ORAI2: variants seen among roughly 807,000 people sequenced by gnomAD.
The protein encoded by ORAI2 is ORAI calcium release-activated calcium modulator 2, also known as protein orai-2.
In ORAI2, 10 loss-of-function variants were observed where a neutral mutation model predicts 16.2. The observed-to-expected ratio is 0.62, with a 90% confidence interval of 0.38 to 1.04. The LOEUF is 1.04. Among genes scored for constraint, ORAI2 ranks in the 50% least tolerant of loss-of-function variants. ORAI2 has a pLI of 0.01. For synonymous variants in ORAI2, 150 were observed against 157.5 expected, an observed-to-expected ratio of 0.95 and a Z score of 0.35; for missense variants, 238 against 355.5, an observed-to-expected ratio of 0.67 and a Z score of 2.66.
chr7:102,442,616 G>A lies in ORAI2; in HGVS notation c.225+3435G>A, dbSNP rs555846081. 5.7e-4 allele frequency among the ~76,000 whole-genome samples: 87 copies of A among 151,568 alleles called. 1 individual carries two copies. Among genetic ancestry groups the A allele is most frequent in the Non-Finnish European group, 1.1e-3 (76 of 67,854 alleles). ...GCACGAGAATCACTTGAACCCGGGA[G>A]GCAAAGGTTGCAGTGAGCCAAGATC... On this transcript the variant is annotated intron_variant, in intron 3 of 3. Transcript: ENST00000495936.
In ORAI2 at chr7:102,439,112, G is replaced by A; in HGVS notation, c.156G>A (p.Lys52=). The A allele has an allele frequency of 1.2e-6, 2 of 1,614,048 alleles. No homozygotes were observed. The highest frequency in any genetic ancestry group is 2.2e-5 in the South Asian group (2 of 91,092). ...CGGTACAGGCCCTGTCGTGGCGGAA[G>A]CTCTACCTGAGCAGGGCCAAGCTGA... ...HHSVQALSWR[K]LYLSRAKLKA... Residue 52 remains lysine (K), a synonymous_variant, in exon 3 of 4, where the codon AAG becomes AAA. Coordinates refer to ENST00000495936, the MANE Select transcript of ORAI2 (RefSeq NM_001126340.3).
rs1797092857 is a variant in ORAI2 at position 102,437,552 on chromosome 7, T to C, written c.-14+1219T>C. Among the ~76,000 whole-genome samples the C allele has an allele frequency of 2.6e-5, 4 of 152,002 alleles. No individual in the cohort carries two copies. In the Middle Eastern group the frequency reaches 0.014, roughly 517 times the overall value. On this transcript the variant is annotated intron_variant, in intron 2 of 3. Coordinates refer to ENST00000495936, the MANE Select transcript of ORAI2 (RefSeq NM_001126340.3). ...ACGGCTTCAACCCAGGAGGCGGAGG[T>C]TGCAGTGAGCCGAAATTGCGCCACT...
intron 3 of ORAI2, among the ~76,000 whole-genome samples, chr7:102,440,531 T>G (rs1223023339): frequency 6.6e-6 from 1 of 151,436 alleles, no homozygotes; most frequent in Non-Finnish European, 1.5e-5. Context: ...GTGATTTATT[T>G]GTTTTTTGTT....
chr7:102,443,023 A>T (rs558248462), intron 3 of ORAI2, among the ~76,000 whole-genome samples: 9 of 88,290 alleles, frequency 1.0e-4, no homozygotes, highest in South Asian at 3.7e-4. Context: ...CTGTCTCAAT[A>T]AAAAAAAAAA....
intron 2 of ORAI2, among the ~76,000 whole-genome samples, chr7:102,437,108 A>G (rs867999409): frequency 1.3e-5 from 2 of 152,170 alleles, no homozygotes; most frequent in South Asian, 4.1e-4. Flanking sequence ...ATCTTGACAG[A>G]TCTGTCCTTC....
intron 3 of ORAI2, 117 bp from the exon 4 acceptor site, chr7:102,446,396 C>G: frequency 9.3e-7 from 1 of 1,079,898 alleles, no homozygotes; most frequent in Non-Finnish European, 1.3e-6. Flanking sequence ...CAGGCAAGCC[C>G]ATGGCTACCC....
intron 3 of ORAI2, among the ~76,000 whole-genome samples, chr7:102,441,814 T>G (rs1334825630): frequency 6.6e-6 from 1 of 152,060 alleles, no homozygotes; most frequent in Non-Finnish European, 1.5e-5. Context: ...GCAGTGCACC[T>G]GCTTGATTAG....
intron 3 of ORAI2, among the ~76,000 whole-genome samples, chr7:102,442,678 C>A (rs896407543): frequency 6.6e-6 from 1 of 151,184 alleles, no homozygotes; most frequent in Non-Finnish European, 1.5e-5. Context: ...CAGAGCAGGA[C>A]TCCGTCTCAA....
chr7:102,448,153 A>G lies in ORAI2; in HGVS notation c.*1101A>G, dbSNP rs941414280. The stretch of plus-strand genomic sequence containing the variant: ...AAATGAGTGCCCTCCTTGTTATGAC[A>G]CCAAGTGACTACAAGGGAGGCAAGA... On this transcript the variant is annotated 3_prime_UTR_variant, in exon 4 of 4. Coordinates refer to ENST00000495936, the MANE Select transcript of ORAI2 (RefSeq NM_001126340.3). 6.6e-6 allele frequency: 1 copy of G among 152,436 alleles called. No homozygotes were observed. Among genetic ancestry groups the G allele is most frequent in the Non-Finnish European group, 1.5e-5 (1 of 68,206 alleles). The allele number at this position is 152,436 out of a possible 1,614,324, so 9.4% of individuals were successfully genotyped here. A position where few individuals can be genotyped will look rare whatever the true frequency, so the allele number is the denominator to read the frequency against.
chr7:102,439,317 C>CG (rs1453799705), intron 3 of ORAI2, 136 bp downstream of exon 3: 13 of 713,378 alleles, frequency 1.8e-5, no homozygotes, highest in African/African-American at 1.8e-4. Context: ...CATCCACCCA[C>CG]GTCCCAGCTG....
intron 1 of ORAI2, among the ~76,000 whole-genome samples, chr7:102,434,168 C>G (rs551999148): frequency 6.7e-6 from 1 of 150,286 alleles, no homozygotes; most frequent in Non-Finnish European, 1.5e-5. Flanking sequence ...GGTTCAGTCC[C>G]GGAGCATCCT....
At chr7:102,436,666 A>G (rs1004597087) in intron 2 of ORAI2, among the ~76,000 whole-genome samples, 19 of 152,090 alleles carry the variant, frequency 1.2e-4, no homozygotes, top group Admixed American at 4.6e-4. Flanking sequence ...CGTGGGGCCT[A>G]TGTGGGCCTG....
chr7:102,433,851 A>G lies in ORAI2; in HGVS notation c.-123+190A>G, dbSNP rs1796988856. 6.6e-6 allele frequency among the ~76,000 whole-genome samples: 1 copy of G among 151,888 alleles called. No individual in the cohort carries two copies. The highest frequency in any genetic ancestry group is 2.4e-5 in the African/African-American group (1 of 41,372). On this transcript the variant is annotated intron_variant, in intron 1 of 3. Coordinates refer to ENST00000495936, the MANE Select transcript of ORAI2 (RefSeq NM_001126340.3). This position sits in a 1 kb window ranked among gnomAD's most constrained non-coding sequence, Gnocchi z 4.6. ...GGCGGGGTGCGGCGCCCAGAGGATCAGGGTCGGCGGCGCAGCCGGTTCCGG... is the reference window on the plus strand; with the variant it reads ...GGCGGGGTGCGGCGCCCAGAGGATCGGGGTCGGCGGCGCAGCCGGTTCCGG...
chr7:102,447,005 C>T lies in ORAI2; in HGVS notation c.718C>T (p.Leu240Phe). Reference protein sequence around the residue: ...HNREIEELHKLKVQLDGHERS... With the variant: ...HNREIEELHKFKVQLDGHERS... ...CCGCGAGATCGAGGAGCTCCACAAG[C>T]TCAAGGTCCAGCTGGACGGGCATGA... The change falls in exon 4 of 4, where the codon CTC becomes TTC. Residue 240 changes from leucine to phenylalanine, a missense_variant. Around this residue, in one of 3 missense-constraint regions of ORAI2, gnomAD observed 176 missense variants for 265.9 expected, o/e 0.66. Transcript: ENST00000495936. 6.3e-7 allele frequency: 1 copy of T among 1,579,250 alleles called. No homozygotes were observed. Among genetic ancestry groups the T allele is most frequent in the Non-Finnish European group, 8.6e-7 (1 of 1,165,694 alleles).
rs1021144543 is a variant in ORAI2 at position 102,451,643 on chromosome 7, G to A, written c.*4591G>A. 6.6e-6 allele frequency: 1 copy of A among 152,288 alleles called. No homozygotes were observed. Among genetic ancestry groups the A allele is most frequent in the African/African-American group, 2.4e-5 (1 of 41,470 alleles). 9.4% of individuals were successfully genotyped at this position (152,288 alleles called of 1,614,324 possible). A position where few individuals can be genotyped will look rare whatever the true frequency, so the allele number is the denominator to read the frequency against. On this transcript the variant is annotated 3_prime_UTR_variant, in exon 4 of 4. Coordinates refer to ENST00000495936, the MANE Select transcript of ORAI2 (RefSeq NM_001126340.3). ...CTTTCTGTTCTTGGGGGATGCTGTGGGCAGAGGGGATAAATTGCAGCCCCT... is the reference window on the plus strand; with the variant it reads ...CTTTCTGTTCTTGGGGGATGCTGTGAGCAGAGGGGATAAATTGCAGCCCCT...
At chr7:102,436,698 GTTTCTTTTTTTTCTTTTCT>G (rs1005231644) in intron 2 of ORAI2, among the ~76,000 whole-genome samples, 1 of 151,978 alleles carries the variant, frequency 6.6e-6, no homozygotes, top group Non-Finnish European at 1.5e-5. Context: ...TACTCTTTTC[GTTTCTTTTTTTTCTTTTCT>G]TTTCTTTTTT....
In ORAI2 at chr7:102,453,441, C is replaced by G. The variant is rs1797576508; in HGVS notation, c.*6389C>G. ...ATATTTTTAACTCTGGCACTTCACC[C>G]TAGAGGCTGCTAGGAATCAGGTGTG... is the stretch of plus-strand genomic sequence containing the variant. On this transcript the variant is annotated 3_prime_UTR_variant, in exon 4 of 4. Transcript: ENST00000495936. 6.6e-6 allele frequency: 1 copy of G among 152,176 alleles called. No individual in the cohort carries two copies. Among genetic ancestry groups the G allele is most frequent in the Non-Finnish European group, 1.5e-5 (1 of 68,046 alleles). 9.4% of individuals were successfully genotyped at this position (152,176 alleles called of 1,614,324 possible). A position where few individuals can be genotyped will look rare whatever the true frequency, so the allele number is the denominator to read the frequency against.
At chr7:102,441,325 T>G (rs899257815) in intron 3 of ORAI2, among the ~76,000 whole-genome samples, 1 of 148,984 alleles carries the variant, frequency 6.7e-6, no homozygotes, top group Admixed American at 6.7e-5. Context: ...GCAGATCACC[T>G]GGTCAGGAGT....
rs2133241731 is a variant in ORAI2, at chr7:102,452,070, G to A, written c.*5018G>A. On this transcript the variant is annotated 3_prime_UTR_variant, in exon 4 of 4. Coordinates refer to ENST00000495936, the MANE Select transcript of ORAI2 (RefSeq NM_001126340.3). ...ACATTCTCCAGCCCCAAGTCCCTGT[G>A]GGGCAGCAGGAACAGGTGGGTCCCT... 6.6e-6 allele frequency: 1 copy of A among 152,276 alleles called. No homozygotes were observed. The highest frequency in any genetic ancestry group is 2.1e-4 in the South Asian group (1 of 4,816). 9.4% of individuals were successfully genotyped at this position (152,276 alleles called of 1,614,324 possible). A position where few individuals can be genotyped will look rare whatever the true frequency, so the allele number is the denominator to read the frequency against.
Sources: allele counts gnomAD v4.1 joint callset (sites outside exome capture counted in the v4.1 genomes callset), GRCh38; gene constraint gnomAD v4.1.1; regional missense constraint gnomAD v4.1.1; non-coding constraint Gnocchi (gnomAD v3.1); transcripts MANE v1.5; gene names NCBI Gene and HGNC (gene_info 2026-07-23, HGNC 2026-07-21).